Variants in SAP130 observed in about 807,000 individuals in gnomAD.
SAP130 encodes the protein histone deacetylase complex subunit SAP130.
A neutral mutation model predicts 103.2 loss-of-function variants in SAP130; 16 were observed. That is an observed-to-expected ratio of 0.16 (90% confidence interval 0.10 to 0.24). The LOEUF (loss-of-function observed/expected upper bound fraction) is 0.24. Among genes scored for constraint, SAP130 ranks in the 10% least tolerant of loss-of-function variants. The probability of loss-of-function intolerance (pLI) is 1.00; values close to 1 mark genes in which losing one functional copy is unlikely to be tolerated. For missense variants in SAP130, 990 were observed against 1,359.7 expected (o/e 0.73, Z 4.28); for synonymous variants, 477 against 497.0 (o/e 0.96, Z 0.53).
rs376594377 is a variant in SAP130 at position 127,982,903 on chromosome 2, T to C, written c.1958+3882A>G. Among the ~76,000 whole-genome samples the C allele has an allele frequency of 4.8e-4, 73 of 151,936 alleles. No individual in the cohort carries two copies. The South Asian group carries it at 7.9e-3, about 17-fold the overall frequency. ...GGGTCCCTCTGGAGCTGGAGTTCCA[T>C]TGGGAGGGAGGTGGGAAGAAAGAAG... is the stretch of plus-strand genomic sequence containing the variant. On this transcript the variant is annotated intron_variant, in intron 14 of 20. Transcript: ENST00000643581.
intron 15 of SAP130, among the ~76,000 whole-genome samples, chr2:127,970,103 C>G (rs964170541): frequency 1.3e-5 from 2 of 150,544 alleles, no homozygotes; most frequent in Admixed American, 1.3e-4. Flanking sequence ...TAGCTCGCAC[C>G]TGTAGTTGCA....
At chr2:127,964,338 A>T (rs1158769903) in intron 15 of SAP130, among the ~76,000 whole-genome samples, 1 of 151,910 alleles carries the variant, frequency 6.6e-6, no homozygotes, top group Non-Finnish European at 1.5e-5. Flanking sequence ...TACTAAAAGT[A>T]CAAAAATTAG....
rs1016325418 is a variant in SAP130, at chr2:128,027,441, C to T, written c.-7+499G>A. 9.2e-5 allele frequency: 102 copies of T among 1,112,160 alleles called. No individual in the cohort carries two copies. The African/African-American group carries it at 1.6e-3, about 18-fold the overall frequency. The allele number at this position is 1,112,160 out of a possible 1,614,324, so 68.9% of individuals were successfully genotyped here. A position where few individuals can be genotyped will look rare whatever the true frequency, so the allele number is the denominator to read the frequency against. The stretch of plus-strand genomic sequence containing the variant: ...GACTGCCAGCCAATCAGGCGCGAGC[C>T]TGGCCGGGGCAGCCCAAACCCCTCG... On this transcript the variant is annotated intron_variant, in intron 1 of 20. Coordinates refer to ENST00000643581, the MANE Select transcript of SAP130 (RefSeq NM_001330301.2).
intron 2 of SAP130, 36 bp from the exon 3 acceptor site, chr2:128,017,951 A>G: frequency 6.5e-7 from 1 of 1,540,120 alleles, no homozygotes; most frequent in South Asian, 1.1e-5. Context: ...AGTATGTCAC[A>G]GTCTCCCAGT....
At chr2:127,944,021 T>G (rs1029055270) in intron 19 of SAP130, among the ~76,000 whole-genome samples, 2 of 152,220 alleles carry the variant, frequency 1.3e-5, no homozygotes, top group Non-Finnish European at 2.9e-5. Flanking sequence ...TGTATCTTTA[T>G]TCTATAAACT....
At position 128,027,913 on chromosome 2, in the gene SAP130, C is replaced by T. The variant is rs1007527963; in HGVS notation, c.-7+27G>A. Reference sequence around the variant, plus strand: ...CCCGCCCCCTCGTCTCCTCCCCTTCCCTCCCGGGCGCCCGTCCCGCCATTA... The same window carrying T: ...CCCGCCCCCTCGTCTCCTCCCCTTCTCTCCCGGGCGCCCGTCCCGCCATTA... On this transcript the variant is annotated intron_variant, in intron 1 of 20. Coordinates refer to ENST00000643581, the MANE Select transcript of SAP130 (RefSeq NM_001330301.2). 7.1e-6 allele frequency: 7 copies of T among 985,260 alleles called. No individual in the cohort carries two copies. In the African/African-American group the frequency reaches 1.0e-4, roughly 15 times the overall value. The allele number at this position is 985,260 out of a possible 1,614,324, so 61.0% of individuals were successfully genotyped here. A position where few individuals can be genotyped will look rare whatever the true frequency, so the allele number is the denominator to read the frequency against.
intron 1 of SAP130, chr2:128,027,048 C>T (rs369601510): frequency 2.9e-5 from 40 of 1,381,442 alleles, no homozygotes; most frequent in Non-Finnish European, 3.8e-5. Flanking sequence ...TGCGGACGGG[C>T]GATCTGGGGA....
intron 3 of SAP130, 141 bp from the exon 4 acceptor site, chr2:128,016,688 TCA>T: frequency 1.1e-6 from 1 of 871,264 alleles, no homozygotes; most frequent in Non-Finnish European, 1.7e-6. Flanking sequence ...TCTATTATCA[TCA>T]CAGTGTTTCC....
chr2:128,005,710 G>A (rs1389835336), intron 7 of SAP130, among the ~76,000 whole-genome samples: 6 of 151,170 alleles, frequency 4.0e-5, no homozygotes, highest in South Asian at 2.1e-4. Context: ...GCAGTGGCGC[G>A]ATCTTGGCTC....
chr2:127,988,428 T>TAAAA (rs1682551426), intron 13 of SAP130, among the ~76,000 whole-genome samples: 1 of 111,782 alleles, frequency 8.9e-6, no homozygotes, highest in African/African-American at 3.1e-5. Flanking sequence ...CCTTGTCTTT[T>TAAAA]TAAAAAAAAA....
chr2:128,017,977 A>G, intron 2 of SAP130, 62 bp from the exon 3 acceptor site: 1 of 1,336,628 alleles, frequency 7.5e-7, no homozygotes, highest in Non-Finnish European at 1.0e-6. Flanking sequence ...ATAGCAGCAC[A>G]GACAAGAGTG....
chr2:128,016,542 G>C lies in SAP130; in HGVS notation c.354C>G (p.Pro118=), dbSNP rs35434942. The change falls in exon 4 of 21, where the codon CCC becomes CCG. Residue 118 remains proline (P), a synonymous_variant. Transcript: ENST00000643581. ...LSFSEGLMKP[P]PKPTMPSRPI... The stretch of plus-strand genomic sequence containing the variant: ...GACGGCTAGGCATGGTGGGCTTCGG[G>C]GGCGGCTGCAAACAGAAAACCACAC... 2 of 1,609,806 alleles carry C rather than the reference G, an allele frequency of 1.2e-6. No homozygotes were observed. Among genetic ancestry groups the C allele is most frequent in the Non-Finnish European group, 1.7e-6 (2 of 1,177,828 alleles).
rs773738079 is a variant in SAP130 at position 127,955,154 on chromosome 2, T to C, written c.2254A>G (p.Thr752Ala). ...GTGATGGGGACCGCTCCAGGAATGG[T>C]TGAAAGGGCAACGGCTGGTTGTGAC... is the stretch of plus-strand genomic sequence containing the variant. ...PPSQPAVALSTIPGAVPITPP... is the reference protein window; with the variant it reads ...PPSQPAVALSAIPGAVPITPP... The change falls in exon 16 of 21, where the codon ACC (threonine) becomes GCC (alanine). Residue 752 changes from threonine to alanine, a missense_variant. Physicochemically the swap from Thr to Ala is moderately conservative, Grantham distance 58 (BLOSUM62 0). Coordinates refer to ENST00000643581, the MANE Select transcript of SAP130 (RefSeq NM_001330301.2). The surrounding 1 kb of genome is among the most constrained non-coding windows in gnomAD (Gnocchi z 4.9). The C allele has an allele frequency of 1.9e-6, 3 of 1,614,028 alleles. No homozygotes were observed. The highest frequency in any genetic ancestry group is 2.5e-6 in the Non-Finnish European group (3 of 1,180,002).
In SAP130 at chr2:127,989,680, A is replaced by G. The variant is rs767000813; in HGVS notation, c.1664T>C (p.Ile555Thr). 2 of 1,614,168 alleles carry G rather than the reference A, an allele frequency of 1.2e-6. No individual in the cohort carries two copies. The highest frequency in any genetic ancestry group is 3.3e-5 in the Admixed American group (2 of 60,014). The change falls in exon 13 of 21, where the codon ATA (isoleucine) becomes ACA (threonine). Residue 555 changes from isoleucine to threonine, a missense_variant. This residue lies in a region of SAP130 where 349 missense variants were observed against 384.1 expected (regional missense o/e 0.91). Coordinates refer to ENST00000643581, the MANE Select transcript of SAP130 (RefSeq NM_001330301.2). The surrounding 1 kb of genome is among the most constrained non-coding windows in gnomAD (Gnocchi z 4.6). The stretch of plus-strand genomic sequence containing the variant: ...CTGTGTGCCAAGTGGTGCAGGCTGT[A>G]TCCCTGGGGTCCCAATGGGGGCCGG... ...IQPAPIGTPG[I>T]QPAPLGTQGI...
intron 15 of SAP130, among the ~76,000 whole-genome samples, chr2:127,964,269 A>C (rs75332922): frequency 6.6e-6 from 1 of 152,004 alleles, no homozygotes; most frequent in African/African-American, 2.4e-5. Flanking sequence ...CAAGGAAGGC[A>C]GATCACTTGA....
Position 127,949,881 on chromosome 2 carries a change from C to G in SAP130, c.2785G>C (p.Val929Leu). 1 of 1,614,110 alleles carries G rather than the reference C, an allele frequency of 6.2e-7. No individual in the cohort carries two copies. Among genetic ancestry groups the G allele is most frequent in the Non-Finnish European group, 8.5e-7 (1 of 1,180,000 alleles). Residue 929 changes from valine (V) to leucine (L), a missense_variant, in exon 18 of 21, where the codon GTC (valine) becomes CTC (leucine). Around this residue, in one of 6 missense-constraint regions of SAP130, gnomAD observed 69 missense variants for 165.7 expected, o/e 0.42. Coordinates refer to ENST00000643581, the MANE Select transcript of SAP130 (RefSeq NM_001330301.2). ...AYHHFQRYSD[V>L]RVKEEKKAML... ...TGGGGAAACTAACCTTTGACCCGGA[C>G]GTCACTGTACCTCTGAAAGTGGTGG... is the stretch of plus-strand genomic sequence containing the variant.
intron 19 of SAP130, among the ~76,000 whole-genome samples, chr2:127,945,060 AT>A (rs1330289952): frequency 6.6e-6 from 1 of 152,090 alleles, no homozygotes; most frequent in East Asian, 1.9e-4. Context: ...AGGAGCAGGA[AT>A]TGTGTGCCTG....
At chr2:127,957,400 C>T (rs1471398536) in intron 15 of SAP130, among the ~76,000 whole-genome samples, 2 of 152,186 alleles carry the variant, frequency 1.3e-5, no homozygotes, top group Non-Finnish European at 2.9e-5. Flanking sequence ...ACTGGCTAGG[C>T]GTGGTGACTC....
intron 7 of SAP130, among the ~76,000 whole-genome samples, chr2:128,001,628 C>T (rs899119032): frequency 6.6e-6 from 1 of 152,106 alleles, no homozygotes; most frequent in African/African-American, 2.4e-5. Context: ...CATAGTGTTA[C>T]AACTGCCTAC....
Sources: gnomAD v4.1 joint callset for allele counts (sites outside exome capture counted in the v4.1 genomes callset) on GRCh38, gnomAD v4.1.1 for gene constraint, gnomAD v4.1.1 regional missense constraint, Gnocchi (gnomAD v3.1) non-coding constraint, MANE v1.5 for transcripts, NCBI Gene and HGNC (gene_info 2026-07-23, HGNC 2026-07-21) for gene names.